GALNTL6: variants seen among roughly 807,000 people sequenced by gnomAD.
GALNTL6 encodes polypeptide N-acetylgalactosaminyltransferase-like 6.
GALNTL6 carries 46 observed loss-of-function variants against 73.7 expected under a neutral mutation model. The ratio of observed to expected loss-of-function variants is 0.62; its 90% CI spans 0.49 to 0.80. The LOEUF is 0.80. Ranked by LOEUF, GALNTL6 falls within the 30% of genes least tolerant of loss-of-function variation. The pLI is 0.00. For missense variants in GALNTL6, 604 were observed against 755.0 expected (o/e 0.80, Z 2.34); for synonymous variants, 259 against 263.7 (o/e 0.98, Z 0.17).
At chr4:172,192,577 G>T in intron 2 of GALNTL6, among the ~76,000 whole-genome samples, 1 of 152,202 alleles carries the variant, frequency 6.6e-6, no homozygotes, top group East Asian at 1.9e-4. Flanking sequence ...GCTGCACGGG[G>T]CAAAGGGAGC....
intron 2 of GALNTL6, among the ~76,000 whole-genome samples, chr4:171,962,765 C>CTTTTTTTTTTTTTTTTTT: frequency 8.8e-6 from 1 of 113,804 alleles, no homozygotes. Flanking sequence ...CTTGCTTTTA[C>CTTTTTTTTTTTTTTTTTT]TTTTTTTTTT....
At chr4:173,031,010 A>G (rs939584036) in intron 12 of GALNTL6, among the ~76,000 whole-genome samples, 3 of 129,676 alleles carry the variant, frequency 2.3e-5, no homozygotes, top group African/African-American at 9.5e-5. Context: ...TCTCAAGAAA[A>G]GAAAAGAGAG....
At chr4:171,864,604 A>G (rs1242749731) in intron 2 of GALNTL6, among the ~76,000 whole-genome samples, 1 of 152,174 alleles carries the variant, frequency 6.6e-6, no homozygotes, top group Non-Finnish European at 1.5e-5. Flanking sequence ...CCTAGGTTAT[A>G]ACATAATTAG....
intron 8 of GALNTL6, among the ~76,000 whole-genome samples, chr4:172,895,708 T>C (rs887750793): frequency 6.6e-6 from 1 of 152,188 alleles, no homozygotes; most frequent in African/African-American, 2.4e-5. Flanking sequence ...ACAAACTTTA[T>C]GTTCATTTGT....
chr4:171,986,322 T>C (rs1740083772), intron 2 of GALNTL6, among the ~76,000 whole-genome samples: 1 of 151,720 alleles, frequency 6.6e-6, no homozygotes, highest in Non-Finnish European at 1.5e-5. Context: ...AGGTGCTCAG[T>C]AGGGGAGCTT....
In GALNTL6 at chr4:171,844,795, G is replaced by A. The variant is rs535447163; in HGVS notation, c.138+30077G>A. 2.4e-4 allele frequency among the ~76,000 whole-genome samples: 36 copies of A among 152,258 alleles called. No individual in the cohort carries two copies. The South Asian group carries it at 7.5e-3, about 32-fold the overall frequency. On this transcript the variant is annotated intron_variant, in intron 2 of 12. Coordinates refer to ENST00000506823, the MANE Select transcript of GALNTL6 (RefSeq NM_001034845.3). The stretch of plus-strand genomic sequence containing the variant: ...ATATAAATTAATGGCACCAGGAGGG[G>A]CGCTTTGTAAAGATAACAAGCAATT...
intron 2 of GALNTL6, among the ~76,000 whole-genome samples, chr4:172,065,434 C>A (rs891263263): frequency 6.6e-6 from 1 of 152,098 alleles, no homozygotes; most frequent in Non-Finnish European, 1.5e-5. Context: ...GGGTTGGGGA[C>A]CCCTGCACTG....
intron 2 of GALNTL6, among the ~76,000 whole-genome samples, chr4:172,012,591 T>C (rs1741047463): frequency 6.6e-6 from 1 of 151,980 alleles, no homozygotes; most frequent in East Asian, 1.9e-4. Context: ...CTGTAAACCC[T>C]CTCCTGAGGT....
At position 172,151,892 on chromosome 4, in the gene GALNTL6, A is replaced by G. The variant is rs546490536; in HGVS notation, c.139-77764A>G. Among the ~76,000 whole-genome samples the G allele has an allele frequency of 2.0e-5, 3 of 150,022 alleles. No homozygotes were observed. In the South Asian group the frequency reaches 6.3e-4, roughly 31 times the overall value. Reference sequence around the variant, plus strand: ...ATATATATATATTTTATACATTTATATCTGTATATATAAAAATATATATCT... The same window carrying G: ...ATATATATATATTTTATACATTTATGTCTGTATATATAAAAATATATATCT... On this transcript the variant is annotated intron_variant, in intron 2 of 12. Coordinates refer to ENST00000506823, the MANE Select transcript of GALNTL6 (RefSeq NM_001034845.3).
rs151299039 is a variant in GALNTL6 at position 172,389,405 on chromosome 4, A to C, written c.553+40716A>C. 4.5e-3 allele frequency among the ~76,000 whole-genome samples: 684 copies of C among 152,214 alleles called. 6 individuals are homozygous for C. The highest frequency in any genetic ancestry group is 0.016 in the African/African-American group (647 of 41,558). The stretch of plus-strand genomic sequence containing the variant: ...AAATCAGTAATTTTGTTCTTTCCAA[A>C]GATTAATGAATGGTCAAATGCTTCC... On this transcript the variant is annotated intron_variant, in intron 5 of 12. Transcript: ENST00000506823.
chr4:172,618,684 TTCTC>T (rs1738838570), intron 5 of GALNTL6, among the ~76,000 whole-genome samples: 1 of 152,196 alleles, frequency 6.6e-6, no homozygotes, highest in Admixed American at 6.5e-5. Context: ...GATGTGTTTA[TTCTC>T]TCTCATGATT....
chr4:173,022,189 G>A (rs201650969), intron 12 of GALNTL6, among the ~76,000 whole-genome samples: 62 of 134,302 alleles, frequency 4.6e-4, no homozygotes, highest in South Asian at 1.1e-3. Flanking sequence ...GGGAGGGAGG[G>A]AGGAAGGAAG....
intron 2 of GALNTL6, among the ~76,000 whole-genome samples, chr4:171,864,758 T>C (rs560062262): frequency 2.0e-5 from 3 of 152,270 alleles, no homozygotes; most frequent in African/African-American, 7.2e-5. Context: ...CTGCTAGAGA[T>C]TGAAAAATCC....
At chr4:172,671,805 T>G (rs1021808182) in intron 5 of GALNTL6, among the ~76,000 whole-genome samples, 3 of 152,154 alleles carry the variant, frequency 2.0e-5, no homozygotes, top group Non-Finnish European at 4.4e-5. Context: ...CATATATGGC[T>G]CTTATTGTTT....
At chr4:172,903,797 C>T (rs552809470) in intron 8 of GALNTL6, among the ~76,000 whole-genome samples, 2 of 152,200 alleles carry the variant, frequency 1.3e-5, no homozygotes, top group African/African-American at 4.8e-5. Context: ...TGTTGTATTA[C>T]TTTATTCAAT....
At chr4:172,517,132 A>C (rs184496201) in intron 5 of GALNTL6, among the ~76,000 whole-genome samples, 1 of 152,288 alleles carries the variant, frequency 6.6e-6, no homozygotes, top group East Asian at 1.9e-4. Flanking sequence ...GCTAAACACT[A>C]CTAAACTTTT....
chr4:172,887,789 C>T (rs1481393291), intron 8 of GALNTL6, among the ~76,000 whole-genome samples: 1 of 152,090 alleles, frequency 6.6e-6, no homozygotes, highest in Non-Finnish European at 1.5e-5. Context: ...GTTTTGAACT[C>T]CTGACCACAG....
intron 10 of GALNTL6, among the ~76,000 whole-genome samples, chr4:172,956,655 A>G (rs1749767980): frequency 6.6e-6 from 1 of 152,196 alleles, no homozygotes; most frequent in Non-Finnish European, 1.5e-5. Flanking sequence ...GTCTGGAATG[A>G]GGCTGGGGCC....
At chr4:172,363,826 C>T (rs1011432236) in intron 5 of GALNTL6, among the ~76,000 whole-genome samples, 1 of 152,040 alleles carries the variant, frequency 6.6e-6, no homozygotes, top group Non-Finnish European at 1.5e-5. Flanking sequence ...AAGTAATTTT[C>T]AGTCATTAGG....
Sources: gnomAD v4.1 joint callset for allele counts (sites outside exome capture counted in the v4.1 genomes callset) on GRCh38, gnomAD v4.1.1 for gene constraint, MANE v1.5 for transcripts, NCBI Gene and HGNC (gene_info 2026-07-23, HGNC 2026-07-21) for gene names.